Variants in PXN observed in about 807,000 individuals in gnomAD.
PXN encodes testicular tissue protein Li 134.
In PXN, 61 loss-of-function variants were observed where a neutral mutation model predicts 103.6. The observed-to-expected ratio is 0.59, with a 90% CI of 0.48 to 0.73. The LOEUF is 0.73. Among genes scored for constraint, PXN ranks in the 30% least tolerant of loss-of-function variants. The probability of loss-of-function intolerance (pLI) is 0.00; values close to 1 mark genes in which losing one functional copy is unlikely to be tolerated. For missense variants in PXN, 1,274 were observed against 1,460.3 expected (o/e 0.87, Z 2.08); for synonymous variants, 562 against 607.8 (o/e 0.92, Z 1.11).
At chr12:120,255,264 T>C (rs1443540565) in intron 1 of PXN, among the ~76,000 whole-genome samples, 2 of 151,902 alleles carry the variant, frequency 1.3e-5, no homozygotes, top group Non-Finnish European at 2.9e-5. Flanking sequence ...CAGAGGAGAC[T>C]TGGGAAAAGA....
intron 1 of PXN, among the ~76,000 whole-genome samples, chr12:120,246,457 G>T (rs1310519266): frequency 6.7e-6 from 1 of 149,248 alleles, no homozygotes; most frequent in East Asian, 1.9e-4. Flanking sequence ...AACCTGGGAG[G>T]CAGAGGTTGC....
At chr12:120,223,092 A>G in intron 3 of PXN, 93 bp from the exon 4 acceptor site, 1 of 1,593,278 alleles carries the variant, frequency 6.3e-7, no homozygotes, top group Non-Finnish European at 8.6e-7. Context: ...AACAAGGCAG[A>G]GGAGATGCGA....
rs770577349 is a variant in PXN at position 120,219,913 on chromosome 12, C to T, written c.1010G>A (p.Gly337Glu). The T allele has an allele frequency of 6.3e-7, 1 of 1,598,170 alleles. No homozygotes were observed. Among genetic ancestry groups the T allele is most frequent in the Middle Eastern group, 1.7e-4 (1 of 6,060 alleles). The stretch of plus-strand genomic sequence containing the variant: ...GGCTACAGGAGGTAGAAGGCCTCGT[C>T]CACTCTGCTCAGTACAAGGGAACTC... ...TPEFPCTEQS[G>E]RGLLPPVAPS... Residue 337 changes from glycine to glutamate, a missense_variant, in exon 7 of 15, where the codon GGA (glycine) becomes GAA (glutamate). By Grantham distance (98) the Gly-to-Glu change is moderately conservative. Coordinates refer to ENST00000637617, the MANE Select transcript of PXN (RefSeq NM_001385981.1). The surrounding 1 kb of genome is among the most constrained non-coding windows in gnomAD (Gnocchi z 6.5).
intron 1 of PXN, among the ~76,000 whole-genome samples, chr12:120,245,935 T>A (rs1015066646): frequency 7.9e-5 from 12 of 152,158 alleles, no homozygotes; most frequent in African/African-American, 2.4e-4. Flanking sequence ...TGTTCTTACA[T>A]TATACGTGAA....
intron 1 of PXN, among the ~76,000 whole-genome samples, chr12:120,263,770 T>C (rs1894247306): frequency 6.6e-6 from 1 of 152,216 alleles, no homozygotes; most frequent in Non-Finnish European, 1.5e-5. Flanking sequence ...GTACTCTCTT[T>C]CCTTTCAGAA....
intron 1 of PXN, among the ~76,000 whole-genome samples, chr12:120,250,323 AC>A (rs1268518352): frequency 6.6e-6 from 1 of 152,014 alleles, no homozygotes; most frequent in Non-Finnish European, 1.5e-5. Context: ...CAGATCAACT[AC>A]CCCTAAAGGG....
At chr12:120,231,827 G>A (rs1214286140) in intron 1 of PXN, among the ~76,000 whole-genome samples, 2 of 152,194 alleles carry the variant, frequency 1.3e-5, no homozygotes, top group Non-Finnish European at 2.9e-5. Context: ...ACTGTGCCAG[G>A]CCCATCTGCA....
chr12:120,239,193 T>A (rs1182397993), intron 1 of PXN, among the ~76,000 whole-genome samples: 3 of 152,168 alleles, frequency 2.0e-5, no homozygotes, highest in African/African-American at 4.8e-5. Flanking sequence ...ACGCCTGTAA[T>A]CCCAGCACTT....
At chr12:120,261,546 C>CA (rs1197713589) in intron 1 of PXN, among the ~76,000 whole-genome samples, 1 of 152,050 alleles carries the variant, frequency 6.6e-6, no homozygotes. Context: ...GGAAAGGCTG[C>CA]AATGAGGCTG....
In PXN at chr12:120,212,200, A is replaced by G. The variant is rs765045352; in HGVS notation, c.*114T>C. On this transcript the variant is annotated 3_prime_UTR_variant, in exon 15 of 15. Transcript: ENST00000637617. The surrounding 1 kb of genome is among the most constrained non-coding windows in gnomAD (Gnocchi z 7.2). ...TGTCCATCCCGCACCAGCGGAGGAC[A>G]AGGGTTCCAGTTTCAGTCGGGTTTA... 71 of 1,425,014 alleles carry G rather than the reference A, an allele frequency of 5.0e-5. No individual in the cohort carries two copies. Among genetic ancestry groups the G allele is most frequent in the Non-Finnish European group, 6.0e-5 (63 of 1,051,894 alleles). 88.3% of individuals were successfully genotyped at this position (1,425,014 alleles called of 1,614,324 possible). A position where few individuals can be genotyped will look rare whatever the true frequency, so the allele number is the denominator to read the frequency against.
At chr12:120,256,492 G>T (rs1893035581) in intron 1 of PXN, among the ~76,000 whole-genome samples, 2 of 148,786 alleles carry the variant, frequency 1.3e-5, no homozygotes, top group South Asian at 4.3e-4. Context: ...GGGACATCGG[G>T]GCCACATGGG....
chr12:120,234,006 A>G (rs777996496), intron 1 of PXN, among the ~76,000 whole-genome samples: 33 of 152,194 alleles, frequency 2.2e-4, no homozygotes, highest in Non-Finnish European at 4.3e-4. Flanking sequence ...CTGAGGATCA[A>G]ATGTACTCAG....
chr12:120,265,523 TG>T lies in PXN; in HGVS notation c.13+93del. The T allele has an allele frequency of 7.4e-7, 1 of 1,345,088 alleles. No homozygotes were observed. The highest frequency in any genetic ancestry group is 9.7e-7 in the Non-Finnish European group (1 of 1,033,248). 83.3% of individuals were successfully genotyped at this position (1,345,088 alleles called of 1,614,324 possible). On this transcript the variant is annotated intron_variant, in intron 1 of 14. Transcript: ENST00000637617. The surrounding 1 kb of genome is among the most constrained non-coding windows in gnomAD (Gnocchi z 5.7). ...GAGCTGAGGCCGGGGCCGCCGAGGG[TG>T]GGATCCCGCGGCCCCTGCCGCTCGC...
intron 1 of PXN, among the ~76,000 whole-genome samples, chr12:120,231,721 T>C (rs1191853679): frequency 6.6e-6 from 1 of 152,220 alleles, no homozygotes; most frequent in Non-Finnish European, 1.5e-5. Flanking sequence ...GCCTGGCTTG[T>C]GCCCAAGGTC....
rs764803514 is a variant in PXN at position 120,215,260 on chromosome 12, C to G, written c.2417G>C (p.Gly806Ala). The G allele has an allele frequency of 9.5e-6, 15 of 1,586,954 alleles. 1 individual carries two copies. In the South Asian group the frequency reaches 1.6e-4, roughly 17 times the overall value. Residue 806 changes from glycine to alanine, a missense_variant, in exon 11 of 15, where the codon GGG (glycine) becomes GCG (alanine). Transcript: ENST00000637617. This position sits in a 1 kb window ranked among gnomAD's most constrained non-coding sequence, Gnocchi z 4.9. ...AGGGGGTGAGCTGCTCCCTGTCTTC[C>G]CCTGGGCCATGAACTGTGGACACGG... ...GQDEGGFMAQ[G>A]KTGSSSPPGG...
intron 1 of PXN, among the ~76,000 whole-genome samples, chr12:120,248,455 A>AC (rs1891551286): frequency 6.8e-6 from 1 of 147,870 alleles, no homozygotes; most frequent in African/African-American, 2.5e-5. Flanking sequence ...CAATTACTGC[A>AC]CCCCCAAGCA....
intron 1 of PXN, among the ~76,000 whole-genome samples, chr12:120,243,024 G>A (rs1014471149): frequency 3.3e-5 from 5 of 152,142 alleles, no homozygotes; most frequent in African/African-American, 7.2e-5. Flanking sequence ...TGGCCTTGTG[G>A]CTCAGGATAA....
In PXN at chr12:120,213,625, G is replaced by C. The variant is rs1413005377; in HGVS notation, c.2979+217C>G. Among the ~76,000 whole-genome samples the C allele has an allele frequency of 2.6e-5, 4 of 152,204 alleles. No homozygotes were observed. Among genetic ancestry groups the C allele is most frequent in the Non-Finnish European group, 5.9e-5 (4 of 68,014 alleles). On this transcript the variant is annotated intron_variant, in intron 14 of 14. Coordinates refer to ENST00000637617, the MANE Select transcript of PXN (RefSeq NM_001385981.1). This position sits in a 1 kb window ranked among gnomAD's most constrained non-coding sequence, Gnocchi z 4.2. The stretch of plus-strand genomic sequence containing the variant: ...CAGGGCCGCTGCACAGGGCTGGACT[G>C]GGGGACATGTCTACCTTGCTCCTGG...
rs1184740170 is a variant in PXN at position 120,221,709 on chromosome 12, T to G, written c.745A>C (p.Thr249Pro). Residue 249 changes from threonine to proline, a missense_variant, in exon 6 of 15, where the codon ACC becomes CCC. This residue lies in a region of PXN where 1,178 missense variants were observed against 1,309.0 expected (regional missense o/e 0.90). Transcript: ENST00000637617. The surrounding 1 kb of genome is among the most constrained non-coding windows in gnomAD (Gnocchi z 6.6). ...QGEMSSPQRVTSTQQQTRISA... is the reference protein window; with the variant it reads ...QGEMSSPQRVPSTQQQTRISA... Reference sequence around the variant, plus strand: ...ATGCGTGTCTGCTGTTGGGTGGAGGTGACGCGCTGCGGGCTGCTCATCTCG... The same window carrying G: ...ATGCGTGTCTGCTGTTGGGTGGAGGGGACGCGCTGCGGGCTGCTCATCTCG... The G allele has an allele frequency of 6.4e-7, 1 of 1,570,932 alleles. No homozygotes were observed. The highest frequency in any genetic ancestry group is 8.6e-7 in the Non-Finnish European group (1 of 1,158,584).
Sources: gnomAD v4.1 joint callset for allele counts (sites outside exome capture counted in the v4.1 genomes callset) on GRCh38, gnomAD v4.1.1 for gene constraint, gnomAD v4.1.1 regional missense constraint, Gnocchi (gnomAD v3.1) non-coding constraint, MANE v1.5 for transcripts, NCBI Gene and HGNC (gene_info 2026-07-23, HGNC 2026-07-21) for gene names.